COP1: variants seen among roughly 807,000 people sequenced by gnomAD.
The protein encoded by COP1 is COP1 E3 ubiquitin ligase.
In COP1, 24 loss-of-function variants were observed where a neutral mutation model predicts 101.3. That is an observed-to-expected ratio of 0.24 (90% CI 0.17 to 0.33). The LOEUF is 0.33. Among genes scored for constraint, COP1 ranks in the 10% least tolerant of loss-of-function variants. The pLI is 1.00. For missense variants in COP1, 663 were observed against 906.2 expected (o/e 0.73, Z 3.45); for synonymous variants, 347 against 341.9 (o/e 1.01, Z -0.17).
Position 176,043,696 on chromosome 1 carries a change from G to C in COP1, c.1530+14C>G. ...GTATGATTCATATAACATGTAACTA[G>C]TACCCTTATTTACCTGATAGACCTT... On this transcript the variant is annotated intron_variant, in intron 13 of 19. Coordinates refer to ENST00000367669, the MANE Select transcript of COP1 (RefSeq NM_022457.7). 2 of 1,348,962 alleles carry C rather than the reference G, an allele frequency of 1.5e-6. No homozygotes were observed. Among genetic ancestry groups the C allele is most frequent in the South Asian group, 1.2e-5 (1 of 84,690 alleles). 83.6% of individuals were successfully genotyped at this position (1,348,962 alleles called of 1,614,324 possible). A position where few individuals can be genotyped will look rare whatever the true frequency, so the allele number is the denominator to read the frequency against.
At chr1:176,050,815 CTAA>C (rs1672414137) in intron 11 of COP1, among the ~76,000 whole-genome samples, 1 of 152,118 alleles carries the variant, frequency 6.6e-6, no homozygotes, top group African/African-American at 2.4e-5. Context: ...CTGAGGTATA[CTAA>C]TGTTAAGTAA....
chr1:176,097,110 T>C (rs896987206), intron 9 of COP1, among the ~76,000 whole-genome samples: 3 of 152,170 alleles, frequency 2.0e-5, no homozygotes, highest in East Asian at 1.9e-4. Context: ...AGTCAGGTAA[T>C]AGGGGATTTA....
At chr1:176,090,979 A>G (rs1241957831) in intron 9 of COP1, among the ~76,000 whole-genome samples, 4 of 152,234 alleles carry the variant, frequency 2.6e-5, no homozygotes, top group Admixed American at 2.6e-4. Flanking sequence ...CTATACAGCA[A>G]AAATATCTTA....
At chr1:176,143,207 AT>A (rs1378660319) in intron 6 of COP1, among the ~76,000 whole-genome samples, 1 of 152,134 alleles carries the variant, frequency 6.6e-6, no homozygotes, top group Non-Finnish European at 1.5e-5. Flanking sequence ...CCCTGGTGAC[AT>A]TAAAAACTTA....
chr1:176,147,424 C>A (rs1691735348), intron 6 of COP1, among the ~76,000 whole-genome samples: 1 of 152,138 alleles, frequency 6.6e-6, no homozygotes, highest in Admixed American at 6.6e-5. Context: ...GTAATTAAAA[C>A]TAAAATACTC....
intron 5 of COP1, among the ~76,000 whole-genome samples, chr1:176,156,294 AAAG>A (rs561525482): frequency 4.0e-3 from 602 of 152,208 alleles, no homozygotes; most frequent in Middle Eastern, 0.014. Flanking sequence ...ATTACAATAA[AAAG>A]AAGTACATGA....
Position 176,206,683 on chromosome 1 carries a change from A to C in COP1, c.296T>G (p.Val99Gly), listed in dbSNP as rs150935097. ...GCCTAGGCTGGAGCTGCTGCCTCCT[A>C]CGCCGGCGCTGGGCCTGGCCGCGCA... is the stretch of plus-strand genomic sequence containing the variant. ...HSCAARPSAGVGGSSSSLGSG... is the reference protein window; with the variant it reads ...HSCAARPSAGGGGSSSSLGSG... The change falls in exon 1 of 20, where the codon GTA becomes GGA. Residue 99 changes from valine to glycine, a missense_variant. Transcript: ENST00000367669. 24,385 of 1,608,134 alleles carry C rather than the reference A, an allele frequency of 0.015. 247 individuals are homozygous for C. The highest frequency in any genetic ancestry group is 0.018 in the Non-Finnish European group (21,676 of 1,179,660).
At chr1:176,048,610 G>C (rs1469750290) in intron 11 of COP1, among the ~76,000 whole-genome samples, 1 of 152,144 alleles carries the variant, frequency 6.6e-6, no homozygotes, top group Non-Finnish European at 1.5e-5. Context: ...GTAAAGGACA[G>C]AGTTATTATC....
chr1:176,033,282 C>T (rs963753161), intron 14 of COP1, among the ~76,000 whole-genome samples: 5 of 151,882 alleles, frequency 3.3e-5, no homozygotes, highest in Non-Finnish European at 4.4e-5. Flanking sequence ...GCTGTCGGGG[C>T]GAGGGTGGGG....
At chr1:176,003,632 C>G (rs201738842) in intron 15 of COP1, among the ~76,000 whole-genome samples, 4,377 of 151,934 alleles carry the variant, frequency 0.029, 139 homozygotes, top group South Asian at 0.14. Context: ...GCTTGTTTTT[C>G]TCAGGTTTGT....
chr1:176,079,585 C>T (rs529987391), intron 11 of COP1, among the ~76,000 whole-genome samples: 6 of 151,182 alleles, frequency 4.0e-5, no homozygotes, highest in East Asian at 1.9e-4. Flanking sequence ...GCCTCAGTGT[C>T]GTGCAATATA....
Position 176,206,748 on chromosome 1 carries a change from G to C in COP1, c.231C>G (p.Ser77Arg). 1 of 1,538,030 alleles carries C rather than the reference G, an allele frequency of 6.5e-7. No homozygotes were observed. The highest frequency in any genetic ancestry group is 8.7e-7 in the Non-Finnish European group (1 of 1,150,476). ...GGCCCGTGGACACCGCCCCGCCGCC[G>C]CTACCCGATACGGCGGGCGCCACCA... is the stretch of plus-strand genomic sequence containing the variant. ...PVLVAPAVSG[S>R]GGGAVSTGLS... Residue 77 changes from serine (S) to arginine (R), a missense_variant, in exon 1 of 20, where the codon AGC becomes AGG. Around this residue, in one of 4 missense-constraint regions of COP1, gnomAD observed 204 missense variants for 203.6 expected, o/e 1.00. Coordinates refer to ENST00000367669, the MANE Select transcript of COP1 (RefSeq NM_022457.7).
intron 5 of COP1, among the ~76,000 whole-genome samples, chr1:176,160,884 A>G (rs1435425806): frequency 6.6e-6 from 1 of 152,118 alleles, no homozygotes; most frequent in African/African-American, 2.4e-5. Context: ...TTGGGGGTGG[A>G]GGGGTTAAAA....
intron 15 of COP1, among the ~76,000 whole-genome samples, chr1:176,007,745 A>C (rs1180379569): frequency 1.3e-5 from 2 of 152,148 alleles, no homozygotes; most frequent in Admixed American, 6.5e-5. Context: ...TGCTCTCTTC[A>C]AAGCTGTCAG....
rs1665245749 is a variant in COP1, at chr1:176,014,363, C to CGATTT, written c.1729+13208_1729+13209insAAATC. Among the ~76,000 whole-genome samples the CGATTT allele has an allele frequency of 2.0e-5, 3 of 152,186 alleles. No homozygotes were observed. In the South Asian group the frequency reaches 6.2e-4, roughly 32 times the overall value. The stretch of plus-strand genomic sequence containing the variant: ...CTGGGTGCTAAATTAGCTACTTAAT[C>CGATTT]ATTTATTATTTCAACAGCACAAGTT... On this transcript the variant is annotated intron_variant, in intron 15 of 19. Coordinates refer to ENST00000367669, the MANE Select transcript of COP1 (RefSeq NM_022457.7).
intron 9 of COP1, among the ~76,000 whole-genome samples, chr1:176,094,653 AT>A (rs1171011195): frequency 4.0e-5 from 6 of 151,406 alleles, no homozygotes; most frequent in African/African-American, 1.5e-4. Flanking sequence ...AGCATATCTT[AT>A]TTGGTCATTG....
chr1:176,195,935 G>C (rs1699635522), intron 1 of COP1, among the ~76,000 whole-genome samples: 1 of 152,216 alleles, frequency 6.6e-6, no homozygotes, highest in Non-Finnish European at 1.5e-5. Context: ...TGCGTACTAT[G>C]TCCACTACTT....
intron 1 of COP1, among the ~76,000 whole-genome samples, chr1:176,193,030 CAG>C (rs1238151317): frequency 6.6e-6 from 1 of 152,164 alleles, no homozygotes; most frequent in East Asian, 1.9e-4. Flanking sequence ...TGCATTCAAA[CAG>C]TGAAAATATG....
intron 5 of COP1, among the ~76,000 whole-genome samples, chr1:176,154,832 G>A (rs1006379975): frequency 2.6e-5 from 4 of 151,814 alleles, no homozygotes; most frequent in East Asian, 3.9e-4. Flanking sequence ...AGACGATGAC[G>A]GTATTGGAAA....
Sources: gnomAD v4.1 joint callset for allele counts (sites outside exome capture counted in the v4.1 genomes callset) on GRCh38, gnomAD v4.1.1 for gene constraint, gnomAD v4.1.1 regional missense constraint, MANE v1.5 for transcripts, NCBI Gene and HGNC (gene_info 2026-07-23, HGNC 2026-07-21) for gene names.